The following ESRRG variants were observed in gnomAD, a reference collection of about 807,000 sequenced individuals.
ESRRG encodes estrogen related receptor gamma, also known as estrogen-related receptor gamma.
In ESRRG, 13 loss-of-function variants were observed where a neutral mutation model predicts 44.0. The observed-to-expected ratio is 0.30, with a 90% CI of 0.19 to 0.47. The LOEUF is 0.47. Ranked by LOEUF, ESRRG falls within the 20% of genes least tolerant of loss-of-function variation. The pLI, the probability that ESRRG is intolerant of heterozygous loss-of-function variation, is 1.00. For missense variants in ESRRG, 395 were observed against 580.6 expected (o/e 0.68, Z 3.29); for synonymous variants, 215 against 214.6 (o/e 1.00, Z -0.02).
intron 5 of ESRRG, among the ~76,000 whole-genome samples, chr1:216,563,319 C>T (rs1195884075): frequency 5.3e-5 from 8 of 152,128 alleles, no homozygotes; most frequent in South Asian, 2.1e-4. Flanking sequence ...ACTGCGATAT[C>T]GCCTGACAGT....
chr1:216,513,599 T>C (rs1293695503), intron 6 of ESRRG, among the ~76,000 whole-genome samples: 9 of 152,138 alleles, frequency 5.9e-5, no homozygotes, highest in Admixed American at 5.2e-4. Flanking sequence ...TGTATTTATA[T>C]AAAATGTTGA....
At chr1:217,096,645 T>C (rs2092428544) in intron 1 of ESRRG, among the ~76,000 whole-genome samples, 1 of 107,862 alleles carries the variant, frequency 9.3e-6, no homozygotes, top group Admixed American at 9.3e-5. Context: ...TTTCCTTGAT[T>C]AACTTCCTCC....
At chr1:216,873,209 G>GTTTTTTTTTTTTTTTTTTTTTT (rs754735743) in intron 2 of ESRRG, among the ~76,000 whole-genome samples, 1 of 105,948 alleles carries the variant, frequency 9.4e-6, no homozygotes, top group Non-Finnish European at 1.8e-5. Flanking sequence ...CATCTTTTCA[G>GTTTTTTTTTTTTTTTTTTTTTT]TTTTTTTTTT....
Position 216,542,072 on chromosome 1 carries a change from CAGAGAGAG to C in ESRRG, c.862+22139_862+22146del, listed in dbSNP as rs3040899. On this transcript the variant is annotated intron_variant, in intron 5 of 6. Coordinates refer to ENST00000408911, the MANE Select transcript of ESRRG (RefSeq NM_001438.4). ...GTGGGTATAAGGTGTGTGTCTATGA[CAGAGAGAG>C]AGAGAGAGAGAGAGAGAGAGAGAGA... Among the ~76,000 whole-genome samples the C allele has an allele frequency of 6.4e-3, 891 of 139,898 alleles. 10 individuals are homozygous for C. Among genetic ancestry groups the C allele is most frequent in the Middle Eastern group, 0.029 (8 of 272 alleles). The allele number at this position is 139,898 out of a possible 152,430, so 91.8% of individuals were successfully genotyped here. A position where few individuals can be genotyped will look rare whatever the true frequency, so the allele number is the denominator to read the frequency against.
intron 5 of ESRRG, among the ~76,000 whole-genome samples, chr1:216,554,480 A>C (rs1427423016): frequency 6.6e-6 from 1 of 150,580 alleles, no homozygotes; most frequent in Admixed American, 6.6e-5. Context: ...CCAAAGAAAA[A>C]CTCATTTGAG....
intron 1 of ESRRG, among the ~76,000 whole-genome samples, chr1:217,046,893 AAG>A (rs1491344950): frequency 1.3e-5 from 2 of 152,118 alleles, no homozygotes; most frequent in East Asian, 1.9e-4. Context: ...CATAAAAAAA[AAG>A]GGGGGGGAAT....
intron 2 of ESRRG, 117 bp from the exon 3 acceptor site, chr1:216,651,206 G>A: frequency 1.4e-6 from 1 of 692,066 alleles, no homozygotes. Flanking sequence ...AATGTCACAT[G>A]AGACTCAAGA....
In ESRRG at chr1:217,024,719, T is replaced by C. The variant is rs2080918928; in HGVS notation, c.-106+64788A>G. On this transcript the variant is annotated intron_variant, in intron 1 of 7. Coordinates refer to the ESRRG transcript ENST00000359162. ...TGTCTCAGGGCTTCCTTCCTAGCAG[T>C]TGTAGGAATAATAAGCACTTGTTAT... is the stretch of plus-strand genomic sequence containing the variant. 2.0e-5 allele frequency among the ~76,000 whole-genome samples: 3 copies of C among 152,220 alleles called. No individual in the cohort carries two copies. The South Asian group carries it at 6.2e-4, about 32-fold the overall frequency.
intron 2 of ESRRG, among the ~76,000 whole-genome samples, chr1:216,936,861 T>C (rs756798861): frequency 5.3e-5 from 8 of 152,150 alleles, no homozygotes; most frequent in Non-Finnish European, 1.0e-4. Context: ...ATTGCCACCT[T>C]GCACCCTTTC....
chr1:216,780,841 C>A (rs1354084192), intron 2 of ESRRG, among the ~76,000 whole-genome samples: 1 of 151,946 alleles, frequency 6.6e-6, no homozygotes, highest in Non-Finnish European at 1.5e-5. Flanking sequence ...CTGATTGTAG[C>A]CCTAGCATGA....
At chr1:216,637,011 C>T (rs2065426691) in intron 3 of ESRRG, among the ~76,000 whole-genome samples, 1 of 152,170 alleles carries the variant, frequency 6.6e-6, no homozygotes, top group Non-Finnish European at 1.5e-5. Flanking sequence ...CTGGGGAGAC[C>T]TGCAGACATA....
intron 1 of ESRRG, among the ~76,000 whole-genome samples, chr1:216,965,471 A>G (rs932201468): frequency 6.6e-6 from 1 of 152,204 alleles, no homozygotes; most frequent in Non-Finnish European, 1.5e-5. Flanking sequence ...ATCCAGTACT[A>G]CAAACCAGGG....
chr1:217,076,112 G>A (rs114103631), intron 1 of ESRRG, among the ~76,000 whole-genome samples: 2,539 of 152,246 alleles, frequency 0.017, 34 homozygotes, highest in African/African-American at 0.038. Context: ...GTGGAAGGAA[G>A]TATGGCTCAA....
intron 1 of ESRRG, among the ~76,000 whole-genome samples, chr1:217,100,528 G>T (rs916954920): frequency 6.6e-6 from 1 of 152,214 alleles, no homozygotes; most frequent in Non-Finnish European, 1.5e-5. Flanking sequence ...GAGCCAGTTA[G>T]TTGTATTAGC....
intron 1 of ESRRG, among the ~76,000 whole-genome samples, chr1:217,016,825 T>G (rs566993940): frequency 1.6e-4 from 25 of 152,314 alleles, no homozygotes; most frequent in South Asian, 1.5e-3. Context: ...CAATGAGTAT[T>G]TATGTAATTC....
chr1:216,627,428 T>C (rs890115298), intron 3 of ESRRG, among the ~76,000 whole-genome samples: 2 of 152,154 alleles, frequency 1.3e-5, no homozygotes, highest in Non-Finnish European at 2.9e-5. Context: ...CCTCAACACA[T>C]CTCAGTCCTG....
At chr1:216,689,395 C>T (rs2151701339) in intron 1 of ESRRG, among the ~76,000 whole-genome samples, 1 of 152,192 alleles carries the variant, frequency 6.6e-6, no homozygotes, top group African/African-American at 2.4e-5. Context: ...AGCCAGGTTA[C>T]ATAATATCAT....
At chr1:217,053,425 A>G (rs1043656565) in intron 1 of ESRRG, among the ~76,000 whole-genome samples, 2 of 149,976 alleles carry the variant, frequency 1.3e-5, no homozygotes, top group African/African-American at 4.9e-5. Flanking sequence ...ACTGCACTCC[A>G]GCCTGGGCAA....
At chr1:216,524,551 GA>G (rs1209623647) in intron 5 of ESRRG, among the ~76,000 whole-genome samples, 1 of 151,830 alleles carries the variant, frequency 6.6e-6, no homozygotes, top group African/African-American at 2.4e-5. Context: ...CAATAATTTA[GA>G]TTCAATCACA....
Sources: gnomAD v4.1 joint callset for allele counts (sites outside exome capture counted in the v4.1 genomes callset) on GRCh38, gnomAD v4.1.1 for gene constraint, MANE v1.5 for transcripts, NCBI Gene and HGNC (gene_info 2026-07-23, HGNC 2026-07-21) for gene names.